The following TRRAP variants were observed in gnomAD, a reference collection of about 807,000 sequenced individuals.
The protein encoded by TRRAP is transformation/transcription domain associated protein.
In TRRAP, 41 loss-of-function variants were observed where a neutral mutation model predicts 438.8. The ratio of observed to expected loss-of-function variants is 0.09; its 90% CI spans 0.07 to 0.12. The LOEUF (loss-of-function observed/expected upper bound fraction) is 0.12, where lower values mean the gene tolerates loss of function less well. Ranked by LOEUF, TRRAP falls within the 10% of genes least tolerant of loss-of-function variation. The pLI is 1.00. For synonymous variants in TRRAP, 1,994 were observed against 1,962.9 expected, an observed-to-expected ratio of 1.02 and a Z score of -0.42; for missense variants, 3,122 against 5,055.1, an observed-to-expected ratio of 0.62 and a Z score of 11.60.
chr7:98,911,888 C>T, intron 17 of TRRAP, 134 bp from the exon 18 acceptor site: 5 of 755,740 alleles, frequency 6.6e-6, no homozygotes, highest in Non-Finnish European at 8.4e-6. Flanking sequence ...CATTTTTTTC[C>T]TTTGGTGGAT....
chr7:98,961,551 C>T, intron 46 of TRRAP, 77 bp downstream of exon 46: 1 of 1,530,820 alleles, frequency 6.5e-7, no homozygotes, highest in Non-Finnish European at 9.0e-7. Context: ...AGCGCTTGTC[C>T]TCCAGTTATT....
intron 11 of TRRAP, 110 bp downstream of exon 11, chr7:98,900,830 C>T: frequency 1.2e-6 from 1 of 826,508 alleles, no homozygotes; most frequent in Non-Finnish European, 1.9e-6. Context: ...GTAATCATTA[C>T]TAACACATCA....
Position 98,901,711 on chromosome 7 carries a change from G to C in TRRAP, c.897+991G>C, listed in dbSNP as rs543456638. Reference sequence around the variant, plus strand: ...TTACAGGCATGCACTACCATGCCTGGCTAATATTTGTATTTTTTGTAGAGG... The same window carrying C: ...TTACAGGCATGCACTACCATGCCTGCCTAATATTTGTATTTTTTGTAGAGG... On this transcript the variant is annotated intron_variant, in intron 11 of 72. Coordinates refer to ENST00000456197, the MANE Select transcript of TRRAP (RefSeq NM_001375524.1). Among the ~76,000 whole-genome samples the C allele has an allele frequency of 3.3e-5, 5 of 152,218 alleles. No individual in the cohort carries two copies. The South Asian group carries it at 1.0e-3, about 32-fold the overall frequency.
At chr7:98,920,370 G>A (rs1203637262) in intron 20 of TRRAP, among the ~76,000 whole-genome samples, 1 of 151,980 alleles carries the variant, frequency 6.6e-6, no homozygotes, top group Non-Finnish European at 1.5e-5. Flanking sequence ...GGAGGCTGAG[G>A]TGGGAGGATT....
rs893226715 is a variant in TRRAP at position 98,890,503 on chromosome 7, G to A, written c.261+58G>A. The A allele has an allele frequency of 2.1e-5, 27 of 1,274,660 alleles. No homozygotes were observed. The East Asian group carries it at 3.4e-4, about 16-fold the overall frequency. The allele number at this position is 1,274,660 out of a possible 1,614,324, so 79.0% of individuals were successfully genotyped here. On this transcript the variant is annotated intron_variant, in intron 4 of 72. Transcript: ENST00000456197. ...GTGCTGTGGGATTGTGACCAGTTAC[G>A]AATTAACTCAGAAAACTTACGGTTC...
intron 23 of TRRAP, among the ~76,000 whole-genome samples, chr7:98,927,852 C>T (rs1300780609): frequency 2.0e-5 from 3 of 152,080 alleles, no homozygotes; most frequent in African/African-American, 7.2e-5. Flanking sequence ...TGCTCACCTC[C>T]GTTTCAGTGG....
intron 56 of TRRAP, among the ~76,000 whole-genome samples, chr7:98,977,422 G>A (rs1792712738): frequency 6.6e-6 from 1 of 152,196 alleles, no homozygotes; most frequent in Non-Finnish European, 1.5e-5. Context: ...GCCTCCCAAA[G>A]TGCTAGGATT....
chr7:98,926,985 C>T (rs995164073), intron 22 of TRRAP, among the ~76,000 whole-genome samples, 182 bp from the exon 23 acceptor site: 2 of 152,150 alleles, frequency 1.3e-5, no homozygotes, highest in African/African-American at 4.8e-5. Context: ...CGCCATTGCA[C>T]CCCAGCCTGG....
intron 47 of TRRAP, among the ~76,000 whole-genome samples, chr7:98,963,759 T>C (rs1792029269): frequency 6.6e-6 from 1 of 152,168 alleles, no homozygotes; most frequent in Non-Finnish European, 1.5e-5. Context: ...AAACACTCTT[T>C]GGTTGATCCG....
At chr7:98,929,916 A>G (rs1474181712) in intron 23 of TRRAP, 73 bp from the exon 24 acceptor site, 11 of 1,513,114 alleles carry the variant, frequency 7.3e-6, no homozygotes, top group Non-Finnish European at 1.0e-5. Context: ...TCTAACTTCA[A>G]GGAAAACATT....
intron 13 of TRRAP, 71 bp downstream of exon 13, chr7:98,906,326 C>T: frequency 7.8e-7 from 1 of 1,277,780 alleles, no homozygotes; most frequent in Admixed American, 1.8e-5. Flanking sequence ...CTTCATGTTA[C>T]AAGTGTTTCA....
chr7:98,886,739 T>G (rs1188554101), intron 3 of TRRAP, among the ~76,000 whole-genome samples: 4 of 152,016 alleles, frequency 2.6e-5, no homozygotes, highest in Non-Finnish European at 5.9e-5. Flanking sequence ...TCCCAGTGAT[T>G]TCAGGAGTCT....
At position 98,933,472 on chromosome 7, in the gene TRRAP, G is replaced by A. The variant is rs974449254; in HGVS notation, c.4014+70G>A. 2.9e-5 allele frequency: 44 copies of A among 1,535,006 alleles called. 1 individual carries two copies. In the African/African-American group the frequency reaches 3.8e-4, roughly 13 times the overall value. The stretch of plus-strand genomic sequence containing the variant: ...TGTCTGCTAGCCTGTCTTTGTACGC[G>A]AAGACTGGTCAGGCAGCATTCAGAG... On this transcript the variant is annotated intron_variant, in intron 27 of 72. Transcript: ENST00000456197.
intron 68 of TRRAP, 136 bp from the exon 69 acceptor site, chr7:99,004,995 C>T: frequency 2.5e-6 from 2 of 806,268 alleles, no homozygotes; most frequent in South Asian, 1.6e-5. Context: ...AGGCAGGGTA[C>T]AAATAAATTG....
Position 98,931,661 on chromosome 7 carries a change from A to G in TRRAP, c.3848A>G (p.Lys1283Arg). The G allele has an allele frequency of 6.2e-7, 1 of 1,610,524 alleles. No individual in the cohort carries two copies. The highest frequency in any genetic ancestry group is 8.5e-7 in the Non-Finnish European group (1 of 1,176,998). ...GTCACGGTGATCATGGAACCCCACA[A>G]AGAGGTGAGATTTCTGTCACCAGAA... ...KSVTVIMEPH[K>R]EVLQDMVPPK... is the part of the protein sequence containing the mutation. Residue 1283 changes from lysine (K) to arginine (R), a missense_variant, in exon 26 of 73, where the codon AAA becomes AGA. Physicochemically the swap from Lys to Arg is conservative, Grantham distance 26 (BLOSUM62 2). This residue lies in a region of TRRAP where 153 missense variants were observed against 223.0 expected (regional missense o/e 0.69). Coordinates refer to ENST00000456197, the MANE Select transcript of TRRAP (RefSeq NM_001375524.1).
At chr7:98,895,903 G>A in intron 7 of TRRAP, 83 bp downstream of exon 7, 1 of 1,116,514 alleles carries the variant, frequency 9.0e-7, no homozygotes. Flanking sequence ...TTGGGTTGCA[G>A]AAATAGTGTG....
intron 70 of TRRAP, among the ~76,000 whole-genome samples, chr7:99,010,829 G>A (rs1035341365): frequency 1.3e-5 from 2 of 152,180 alleles, no homozygotes; most frequent in African/African-American, 2.4e-5. Flanking sequence ...CAGACCAGCC[G>A]CATTGGTGCT....
At chr7:98,960,241 T>C (rs897763095) in intron 45 of TRRAP, among the ~76,000 whole-genome samples, 2 of 152,222 alleles carry the variant, frequency 1.3e-5, no homozygotes, top group African/African-American at 4.8e-5. Context: ...ATGCTAATTA[T>C]CTTATTTTGG....
In TRRAP at chr7:98,941,208, C is replaced by T. The variant is rs367636286; in HGVS notation, c.4405-1741C>T. Among the ~76,000 whole-genome samples, 6 of 152,166 alleles carry T rather than the reference C, an allele frequency of 3.9e-5. No homozygotes were observed. The East Asian group carries it at 9.6e-4, about 24-fold the overall frequency. On this transcript the variant is annotated intron_variant, in intron 30 of 72. Transcript: ENST00000456197. ...TCTGTTTGTTTGAGACAGGGCCTTGCTCTGTGTCCCAGGCTGGAGTGCAGT... is the reference window on the plus strand; with the variant it reads ...TCTGTTTGTTTGAGACAGGGCCTTGTTCTGTGTCCCAGGCTGGAGTGCAGT...
Sources: allele counts gnomAD v4.1 joint callset (sites outside exome capture counted in the v4.1 genomes callset), GRCh38; gene constraint gnomAD v4.1.1; regional missense constraint gnomAD v4.1.1; transcripts MANE v1.5; gene names NCBI Gene and HGNC (gene_info 2026-07-23, HGNC 2026-07-21).